Variants in TTLL4 observed in about 807,000 individuals in gnomAD.
The protein encoded by TTLL4 is tubulin monoglutamylase TTLL4.
Under a neutral mutation model 122.7 loss-of-function variants are expected in TTLL4, and 85 were observed. That is an observed-to-expected ratio of 0.69 (90% CI 0.58 to 0.83). TTLL4 has a LOEUF of 0.83. TTLL4 is among the 40% of genes least tolerant of loss of function. The pLI, the probability that TTLL4 is intolerant of heterozygous loss-of-function variation, is 0.00. For missense variants in TTLL4, 1,363 were observed against 1,488.6 expected (o/e 0.92, Z 1.39); for synonymous variants, 553 against 563.0 (o/e 0.98, Z 0.25).
At chr2:218,713,449 T>A (rs1020314797) in intron 1 of TTLL4, among the ~76,000 whole-genome samples, 6 of 152,152 alleles carry the variant, frequency 3.9e-5, no homozygotes, top group Non-Finnish European at 7.4e-5. Flanking sequence ...GCTAATTTTT[T>A]AAAATTTTTA....
At chr2:218,730,311 C>CAAAAAAAAAAA (rs548186206) in intron 2 of TTLL4, among the ~76,000 whole-genome samples, 420 of 14,290 alleles carry the variant, frequency 0.029, 125 homozygotes, top group South Asian at 0.048. Flanking sequence ...ACTAAAAATC[C>CAAAAAAAAAAA]AAAAAAAAAA....
At chr2:218,742,947 AC>A (rs929186587) in intron 5 of TTLL4, among the ~76,000 whole-genome samples, 3 of 151,956 alleles carry the variant, frequency 2.0e-5, no homozygotes, top group African/African-American at 7.3e-5. Flanking sequence ...ACATGGTGAA[AC>A]CCCATGTTTT....
chr2:218,756,262 C>T (rs1457956716), downstream of TTLL4, among the ~76,000 whole-genome samples: 1 of 152,060 alleles, frequency 6.6e-6, no homozygotes, highest in African/African-American at 2.4e-5. Context: ...CCCTGAGAAT[C>T]CCTGTACAAC....
At chr2:218,719,283 A>G (rs987113967) in intron 1 of TTLL4, among the ~76,000 whole-genome samples, 3 of 152,156 alleles carry the variant, frequency 2.0e-5, no homozygotes, top group African/African-American at 7.2e-5. Context: ...TATAAAAGCC[A>G]TCATGAAGCT....
chr2:218,747,857 T>C lies in TTLL4; in HGVS notation c.2378+132T>C. ...GGGGAAAGGCAGGAAATGGGAAATA[T>C]GGAGGCTCTCTACTTCGTTAAATCT... On this transcript the variant is annotated intron_variant, in intron 11 of 19. Coordinates refer to ENST00000392102, the MANE Select transcript of TTLL4 (RefSeq NM_014640.5). The surrounding 1 kb of genome is among the most constrained non-coding windows in gnomAD (Gnocchi z 4.7). The C allele has an allele frequency of 2.2e-6, 3 of 1,361,040 alleles. No homozygotes were observed. The highest frequency in any genetic ancestry group is 3.0e-6 in the Non-Finnish European group (3 of 992,154). The allele number at this position is 1,361,040 out of a possible 1,614,324, so 84.3% of individuals were successfully genotyped here. A position where few individuals can be genotyped will look rare whatever the true frequency, so the allele number is the denominator to read the frequency against.
rs779964102 is a variant in TTLL4, at chr2:218,745,162, G to T, written c.1715G>T (p.Arg572Leu). 12 of 1,613,852 alleles carry T rather than the reference G, an allele frequency of 7.4e-6. No individual in the cohort carries two copies. Among genetic ancestry groups the T allele is most frequent in the Admixed American group, 1.7e-5 (1 of 59,982 alleles). ...KPLSNHEKVV[R>L]PALIYSLFPN... ...CTTTCCAATCATGAGAAAGTTGTCC[G>T]ACCAGCCCTCATCTACAGTCTCTTT... The change falls in exon 6 of 20, where the codon CGA becomes CTA. Residue 572 changes from arginine (R) to leucine (L), a missense_variant. By Grantham distance (102) the Arg-to-Leu change is moderately radical (BLOSUM62 -2). This residue lies in a region of TTLL4 where 760 missense variants were observed against 808.4 expected (regional missense o/e 0.94). Transcript: ENST00000392102.
At chr2:218,727,065 TC>T (rs1334718947) in intron 1 of TTLL4, among the ~76,000 whole-genome samples, 2 of 152,170 alleles carry the variant, frequency 1.3e-5, no homozygotes, top group African/African-American at 4.8e-5. Flanking sequence ...CACCTCGGCC[TC>T]CCAAAGTGCT....
At chr2:218,739,481 C>T (rs1942639208) in intron 3 of TTLL4, among the ~76,000 whole-genome samples, 1 of 152,200 alleles carries the variant, frequency 6.6e-6, no homozygotes, top group African/African-American at 2.4e-5. Context: ...AAAATATTTA[C>T]TCTCTGGTCC....
intron 1 of TTLL4, among the ~76,000 whole-genome samples, chr2:218,719,696 AC>A (rs1941976165): frequency 6.6e-6 from 1 of 152,220 alleles, no homozygotes; most frequent in Non-Finnish European, 1.5e-5. Flanking sequence ...CTCCACACCA[AC>A]TGAATCCTCT....
intron 1 of TTLL4, among the ~76,000 whole-genome samples, chr2:218,718,762 G>T (rs1460489695): frequency 2.0e-5 from 3 of 152,186 alleles, no homozygotes; most frequent in Non-Finnish European, 2.9e-5. Context: ...CATAAAGATT[G>T]GAGGACAGAA....
chr2:218,745,818 A>T lies in TTLL4; in HGVS notation c.1897+17A>T. 1 of 1,603,606 alleles carries T rather than the reference A, an allele frequency of 6.2e-7. No individual in the cohort carries two copies. The highest frequency in any genetic ancestry group is 8.5e-7 in the Non-Finnish European group (1 of 1,172,360). ...TCAGCAAAAGTGAGTTGCTTGCCTT[A>T]CTGTGAGCCTGTCCTTTTGCCCCAA... is the stretch of plus-strand genomic sequence containing the variant. On this transcript the variant is annotated intron_variant, in intron 7 of 19. Coordinates refer to ENST00000392102, the MANE Select transcript of TTLL4 (RefSeq NM_014640.5).
At chr2:218,744,239 C>CT (rs1365880626) in intron 5 of TTLL4, among the ~76,000 whole-genome samples, 1 of 152,122 alleles carries the variant, frequency 6.6e-6, no homozygotes, top group Non-Finnish European at 1.5e-5. Flanking sequence ...GGTAAAGTGA[C>CT]TTTTTTAAAC....
At chr2:218,743,355 G>A (rs1464900909) in intron 5 of TTLL4, among the ~76,000 whole-genome samples, 1 of 152,124 alleles carries the variant, frequency 6.6e-6, no homozygotes, top group African/African-American at 2.4e-5. Flanking sequence ...GACTGACCGG[G>A]GTTGTTGCAT....
intron 1 of TTLL4, among the ~76,000 whole-genome samples, chr2:218,726,945 G>A (rs369473401): frequency 5.3e-5 from 8 of 152,212 alleles, no homozygotes; most frequent in African/African-American, 1.9e-4. Context: ...CTGTAGCTGG[G>A]ATTACAGGTG....
chr2:218,719,362 G>T (rs1211977533), intron 1 of TTLL4, among the ~76,000 whole-genome samples: 2 of 152,094 alleles, frequency 1.3e-5, no homozygotes, highest in African/African-American at 4.8e-5. Flanking sequence ...CACGTGAGAG[G>T]GACACACAAC....
chr2:218,722,391 AATAT>A (rs1385780508), intron 1 of TTLL4, among the ~76,000 whole-genome samples: 1 of 151,942 alleles, frequency 6.6e-6, no homozygotes. Context: ...AGGAAATATA[AATAT>A]ATAATAATTT....
chr2:218,715,999 A>G (rs1381327518), intron 1 of TTLL4, among the ~76,000 whole-genome samples: 1 of 152,222 alleles, frequency 6.6e-6, no homozygotes. Flanking sequence ...TATGTGAGGC[A>G]TGACTGTTAG....
At chr2:218,745,083 T>A (rs1461666253) in intron 5 of TTLL4, 26 bp from the exon 6 acceptor site, 13 of 1,613,148 alleles carry the variant, frequency 8.1e-6, no homozygotes, top group Non-Finnish European at 1.1e-5. Context: ...TCCCTTTCTC[T>A]ACTCCATGTT....
intron 3 of TTLL4, 21 bp from the exon 4 acceptor site, chr2:218,740,037 G>T: frequency 1.2e-6 from 2 of 1,608,552 alleles, no homozygotes; most frequent in South Asian, 2.2e-5. Flanking sequence ...ACTAGGCTGG[G>T]GGCATGATTC....
Sources: gnomAD v4.1 joint callset for allele counts (sites outside exome capture counted in the v4.1 genomes callset) on GRCh38, gnomAD v4.1.1 for gene constraint, gnomAD v4.1.1 regional missense constraint, Gnocchi (gnomAD v3.1) non-coding constraint, MANE v1.5 for transcripts, NCBI Gene and HGNC (gene_info 2026-07-23, HGNC 2026-07-21) for gene names.